The following FRAS1 variants were observed in gnomAD, a reference collection of about 807,000 sequenced individuals.
FRAS1 encodes Fraser extracellular matrix complex subunit 1.
Under a neutral mutation model 435.2 loss-of-function variants are expected in FRAS1, and 290 were observed. The ratio of observed to expected loss-of-function variants is 0.67; its 90% CI spans 0.61 to 0.73. FRAS1 has a LOEUF of 0.73. Among genes scored for constraint, FRAS1 ranks in the 30% least tolerant of loss-of-function variants. The pLI, the probability that FRAS1 is intolerant of heterozygous loss-of-function variation, is 0.00. For synonymous variants in FRAS1, 1,800 were observed against 1,851.0 expected (o/e 0.97, Z 0.71); for missense variants, 4,860 against 5,001.5 (o/e 0.97, Z 0.85).
chr4:78,255,549 C>G (rs1166432117), intron 6 of FRAS1, among the ~76,000 whole-genome samples, 174 bp downstream of exon 6: 1 of 152,190 alleles, frequency 6.6e-6, no homozygotes, highest in East Asian at 1.9e-4. Context: ...CCCTTAGAAA[C>G]TACAGATAGG....
Position 78,306,770 on chromosome 4 carries a change from T to C in FRAS1, c.1535-1296T>C, listed in dbSNP as rs1728736163. On this transcript the variant is annotated intron_variant, in intron 14 of 73. Coordinates refer to ENST00000512123, the MANE Select transcript of FRAS1 (RefSeq NM_025074.7). ...ATTCTAGTTATACATTCTTCTAAAT[T>C]TTTTTTTCAAAGTTTTCAACTTCTT... 3.9e-5 allele frequency among the ~76,000 whole-genome samples: 6 copies of C among 152,002 alleles called. No homozygotes were observed. The South Asian group carries it at 1.2e-3, about 32-fold the overall frequency.
rs1442376538 is a variant in FRAS1 at position 78,499,926 on chromosome 4, T to C, written c.9316+5T>C. On this transcript the variant is annotated splice_donor_5th_base_variant and intron_variant, in intron 61 of 73. Coordinates refer to ENST00000512123, the MANE Select transcript of FRAS1 (RefSeq NM_025074.7). ...GAGTCTTGAAGTTCAGTCCCGGTAA[T>C]TGAATGCCAACCTCAATCTGTGGGT... The C allele has an allele frequency of 1.3e-6, 2 of 1,529,794 alleles. No homozygotes were observed. The highest frequency in any genetic ancestry group is 2.3e-5 in the East Asian group (1 of 43,328). The allele number at this position is 1,529,794 out of a possible 1,614,324, so 94.8% of individuals were successfully genotyped here. A position where few individuals can be genotyped will look rare whatever the true frequency, so the allele number is the denominator to read the frequency against.
chr4:78,089,991 G>T (rs540607791), intron 2 of FRAS1, among the ~76,000 whole-genome samples: 2 of 152,020 alleles, frequency 1.3e-5, no homozygotes, highest in Non-Finnish European at 2.9e-5. Flanking sequence ...CTGTCCCTAT[G>T]TTACGAACTT....
intron 2 of FRAS1, among the ~76,000 whole-genome samples, chr4:78,133,586 G>A (rs564125569): frequency 1.0e-3 from 155 of 152,210 alleles, no homozygotes; most frequent in Non-Finnish European, 7.5e-4. Context: ...TTTCCATGCT[G>A]TGATTATTAC....
intron 54 of FRAS1, among the ~76,000 whole-genome samples, chr4:78,477,094 C>T (rs1002702504): frequency 2.6e-5 from 4 of 151,834 alleles, no homozygotes; most frequent in Non-Finnish European, 2.9e-5. Context: ...AATTGATTCA[C>T]ATTTTAATGG....
At chr4:78,064,227 TA>T (rs981854124) in intron 1 of FRAS1, among the ~76,000 whole-genome samples, 1 of 150,676 alleles carries the variant, frequency 6.6e-6, no homozygotes, top group African/African-American at 2.4e-5. Context: ...ATAAATAAAA[TA>T]AAAAAATAGG....
chr4:78,228,563 A>G (rs1264968844), intron 2 of FRAS1, among the ~76,000 whole-genome samples: 1 of 152,096 alleles, frequency 6.6e-6, no homozygotes, highest in African/African-American at 2.4e-5. Context: ...AAGATATCCT[A>G]TTTTGTGTGT....
intron 27 of FRAS1, among the ~76,000 whole-genome samples, chr4:78,382,716 T>G (rs1455289188): frequency 6.6e-6 from 1 of 152,220 alleles, no homozygotes; most frequent in African/African-American, 2.4e-5. Context: ...TCTATAAATT[T>G]TAATAACTGT....
chr4:78,465,681 A>G (rs1279946749), intron 49 of FRAS1, among the ~76,000 whole-genome samples: 4 of 143,022 alleles, frequency 2.8e-5, no homozygotes, highest in Admixed American at 7.3e-5. Flanking sequence ...CCCTGGGACT[A>G]GGTCACAGAG....
intron 11 of FRAS1, among the ~76,000 whole-genome samples, chr4:78,282,207 A>G (rs1464239263): frequency 6.6e-6 from 1 of 152,186 alleles, no homozygotes; most frequent in Non-Finnish European, 1.5e-5. Flanking sequence ...TGTTCTTTAC[A>G]ATTCAATTTG....
chr4:78,382,698 T>C (rs1732067501), intron 27 of FRAS1, among the ~76,000 whole-genome samples: 4 of 152,228 alleles, frequency 2.6e-5, no homozygotes, highest in Admixed American at 2.6e-4. Flanking sequence ...CATTTTGAAG[T>C]GTGTTGTTCT....
intron 2 of FRAS1, among the ~76,000 whole-genome samples, chr4:78,165,431 T>C (rs1302619684): frequency 6.6e-6 from 1 of 152,202 alleles, no homozygotes; most frequent in Non-Finnish European, 1.5e-5. Context: ...ATTAGAAGAC[T>C]TGAGTTTGAA....
intron 2 of FRAS1, among the ~76,000 whole-genome samples, chr4:78,075,069 A>T (rs1380562903): frequency 6.6e-6 from 1 of 152,194 alleles, no homozygotes; most frequent in Non-Finnish European, 1.5e-5. Flanking sequence ...GAACTGAGTT[A>T]AACATGCCTA....
At chr4:78,309,033 A>G (rs991377257) in intron 15 of FRAS1, among the ~76,000 whole-genome samples, 4 of 152,338 alleles carry the variant, frequency 2.6e-5, no homozygotes, top group South Asian at 2.1e-4. Context: ...CATGCAATCA[A>G]TCACAAGAGT....
At chr4:78,172,569 A>G (rs1721603095) in intron 2 of FRAS1, among the ~76,000 whole-genome samples, 1 of 152,148 alleles carries the variant, frequency 6.6e-6, no homozygotes, top group Non-Finnish European at 1.5e-5. Flanking sequence ...TTGAAAACTA[A>G]AAATTAAAAT....
intron 64 of FRAS1, among the ~76,000 whole-genome samples, chr4:78,512,945 G>A (rs114292212): frequency 3.8e-4 from 58 of 152,274 alleles, no homozygotes; most frequent in African/African-American, 1.2e-3. Context: ...AAAGCTCAAC[G>A]ATATATTTTT....
At chr4:78,328,945 C>T (rs1338096260) in intron 18 of FRAS1, among the ~76,000 whole-genome samples, 2 of 152,170 alleles carry the variant, frequency 1.3e-5, no homozygotes, top group African/African-American at 2.4e-5. Context: ...ATTACCCCCA[C>T]CAGGCCTCGT....
chr4:78,183,954 C>T (rs1722164044), intron 2 of FRAS1, among the ~76,000 whole-genome samples: 1 of 152,068 alleles, frequency 6.6e-6, no homozygotes, highest in African/African-American at 2.4e-5. Flanking sequence ...TGCTCTAAGA[C>T]AGCTCTTCCT....
intron 2 of FRAS1, among the ~76,000 whole-genome samples, chr4:78,229,340 T>C (rs1015694806): frequency 1.1e-4 from 16 of 151,740 alleles, no homozygotes; most frequent in Non-Finnish European, 1.5e-5. Context: ...AAACAAAACT[T>C]AGAGGACTAA....
Sources: allele counts gnomAD v4.1 joint callset (sites outside exome capture counted in the v4.1 genomes callset), GRCh38; gene constraint gnomAD v4.1.1; transcripts MANE v1.5; gene names NCBI Gene and HGNC (gene_info 2026-07-23, HGNC 2026-07-21).